Variants in ACMSD observed in about 807,000 individuals in gnomAD.
ACMSD encodes the protein 2-amino-3-carboxymuconate-6-semialdehyde decarboxylase.
A neutral mutation model predicts 45.9 loss-of-function variants in ACMSD; 37 were observed. The ratio of observed to expected loss-of-function variants is 0.81; its 90% CI spans 0.62 to 1.06. The LOEUF (loss-of-function observed/expected upper bound fraction) is 1.06, where lower values mean the gene tolerates loss of function less well. Among genes scored for constraint, ACMSD ranks in the 50% least tolerant of loss-of-function variants. The pLI is 0.00. For synonymous variants in ACMSD, 138 were observed against 148.8 expected, an observed-to-expected ratio of 0.93 and a Z score of 0.53; for missense variants, 434 against 420.9, an observed-to-expected ratio of 1.03 and a Z score of -0.27.
At chr2:134,853,956 C>G (rs375193389) in intron 2 of ACMSD, among the ~76,000 whole-genome samples, 1 of 152,198 alleles carries the variant, frequency 6.6e-6, no homozygotes, top group Non-Finnish European at 1.5e-5. Flanking sequence ...TACATAGACA[C>G]CCATCACCAA....
At chr2:134,869,699 T>C (rs995471942) in intron 6 of ACMSD, among the ~76,000 whole-genome samples, 11 of 149,068 alleles carry the variant, frequency 7.4e-5, no homozygotes, top group Non-Finnish European at 1.5e-5. Context: ...AAAGAGATTA[T>C]AAACAAGTAT....
chr2:134,853,034 G>A (rs933203927), intron 2 of ACMSD, among the ~76,000 whole-genome samples: 48 of 151,808 alleles, frequency 3.2e-4, no homozygotes, highest in Admixed American at 8.5e-4. Flanking sequence ...GTGGTGGCAC[G>A]CGCCTGTAAT....
At position 134,895,316 on chromosome 2, in the gene ACMSD, A is replaced by ATATATATATGTTACATATATAAT. The variant is rs1406233607; in HGVS notation, c.850-3025_850-3024insTATATATATGTTACATATATAAT. Among the ~76,000 whole-genome samples, 51 of 49,208 alleles carry ATATATATATGTTACATATATAAT rather than the reference A, an allele frequency of 1.0e-3. 1 individual carries two copies. Among genetic ancestry groups the ATATATATATGTTACATATATAAT allele is most frequent in the African/African-American group, 4.4e-3 (50 of 11,436 alleles). 32.3% of individuals were successfully genotyped at this position (49,208 alleles called of 152,430 possible). A position where few individuals can be genotyped will look rare whatever the true frequency, so the allele number is the denominator to read the frequency against. On this transcript the variant is annotated intron_variant, in intron 8 of 9. Coordinates refer to ENST00000356140, the MANE Select transcript of ACMSD (RefSeq NM_138326.3). ...AGACTGCATCTCAAAAAAGAAAAAA[A>ATATATATATGTTACATATATAAT]ATATATATATGTTATATATATAATA...
chr2:134,875,889 C>T (rs946226147), intron 8 of ACMSD, among the ~76,000 whole-genome samples: 2 of 152,096 alleles, frequency 1.3e-5, no homozygotes, highest in Admixed American at 1.3e-4. Flanking sequence ...CATCACAGTG[C>T]CCTTACACAA....
intron 8 of ACMSD, among the ~76,000 whole-genome samples, chr2:134,879,087 T>C (rs1481202666): frequency 6.6e-6 from 1 of 152,220 alleles, no homozygotes; most frequent in Admixed American, 6.5e-5. Context: ...ATGCCCTGGA[T>C]TTAGTTTTTG....
chr2:134,849,846 A>G (rs1398157450), intron 2 of ACMSD, among the ~76,000 whole-genome samples: 3 of 152,108 alleles, frequency 2.0e-5, no homozygotes. Flanking sequence ...CCTGATGGCA[A>G]AGACACCTGG....
chr2:134,871,674 A>ACCAGACACAC, intron 7 of ACMSD, among the ~76,000 whole-genome samples: 1 of 142,456 alleles, frequency 7.0e-6, no homozygotes, highest in South Asian at 2.2e-4. Flanking sequence ...GTGACCCTTC[A>ACCAGACACAC]ACAGACAGAC....
At chr2:134,866,337 A>T (rs1688095624) in intron 5 of ACMSD, among the ~76,000 whole-genome samples, 1 of 152,186 alleles carries the variant, frequency 6.6e-6, no homozygotes, top group Non-Finnish European at 1.5e-5. Context: ...ACATAGAATA[A>T]ACTTGTATCC....
chr2:134,855,508 C>A (rs1559044208), intron 2 of ACMSD, among the ~76,000 whole-genome samples: 1 of 152,218 alleles, frequency 6.6e-6, no homozygotes, highest in Non-Finnish European at 1.5e-5. Flanking sequence ...TGGCCTTCTG[C>A]AGAAGAAGGC....
intron 2 of ACMSD, chr2:134,857,749 T>A (rs1413341431): frequency 6.6e-6 from 1 of 151,668 alleles, no homozygotes; most frequent in Non-Finnish European, 1.5e-5. Flanking sequence ...CCTTGTCATG[T>A]TCCTGATCTT....
At chr2:134,884,139 T>C (rs1689195367) in intron 8 of ACMSD, among the ~76,000 whole-genome samples, 1 of 152,190 alleles carries the variant, frequency 6.6e-6, no homozygotes, top group Non-Finnish European at 1.5e-5. Flanking sequence ...AATTATCTAC[T>C]TGTACATAAT....
At position 134,890,536 on chromosome 2, in the gene ACMSD, T is replaced by C. The variant is rs535318994; in HGVS notation, c.850-7805T>C. ...ACATTATGGGGGCAATTGACAAAAT[T>C]TGAATATGAACTATGGATAACGAAA... is the stretch of plus-strand genomic sequence containing the variant. On this transcript the variant is annotated intron_variant, in intron 8 of 9. Transcript: ENST00000356140. Among the ~76,000 whole-genome samples the C allele has an allele frequency of 1.2e-4, 18 of 152,172 alleles. No individual in the cohort carries two copies. In the East Asian group the frequency reaches 1.3e-3, roughly 11 times the overall value.
chr2:134,845,987 G>T (rs1419475519), intron 2 of ACMSD, among the ~76,000 whole-genome samples: 1 of 152,156 alleles, frequency 6.6e-6, no homozygotes, highest in East Asian at 1.9e-4. Flanking sequence ...TTAATGTGCA[G>T]AGTTAACCCA....
chr2:134,845,258 A>G lies in ACMSD; in HGVS notation c.83A>G (p.Gln28Arg), dbSNP rs1423597384. 1.2e-6 allele frequency: 2 copies of G among 1,613,980 alleles called. No homozygotes were observed. The highest frequency in any genetic ancestry group is 2.7e-5 in the African/African-American group (2 of 74,900). ...KKRFGYGGWV[Q>R]LQHHSKGEAK... ...AGGTTTGGCTACGGAGGCTGGGTGCAGCTCCAACACCACAGCAAGGTGAGT... is the reference window on the plus strand; with the variant it reads ...AGGTTTGGCTACGGAGGCTGGGTGCGGCTCCAACACCACAGCAAGGTGAGT... The change falls in exon 2 of 10, where the codon CAG (glutamine) becomes CGG (arginine). Residue 28 changes from glutamine to arginine, a missense_variant. Transcript: ENST00000356140.
intron 2 of ACMSD, among the ~76,000 whole-genome samples, chr2:134,853,939 A>G (rs1687465417): frequency 6.6e-6 from 1 of 152,226 alleles, no homozygotes; most frequent in Non-Finnish European, 1.5e-5. Context: ...AATTAACTTT[A>G]GCCTACTACA....
chr2:134,894,419 G>A (rs1689973229), intron 8 of ACMSD, among the ~76,000 whole-genome samples: 1 of 152,036 alleles, frequency 6.6e-6, no homozygotes, highest in Non-Finnish European at 1.5e-5. Flanking sequence ...ACTGGCTGAA[G>A]AAGAAATAGA....
chr2:134,895,786 G>A lies in ACMSD; in HGVS notation c.850-2555G>A, dbSNP rs370559639. 2.9e-3 allele frequency among the ~76,000 whole-genome samples: 437 copies of A among 152,258 alleles called. 3 individuals are homozygous for A. Among genetic ancestry groups the A allele is most frequent in the African/African-American group, 9.0e-3 (373 of 41,568 alleles). On this transcript the variant is annotated intron_variant, in intron 8 of 9. Transcript: ENST00000356140. ...TGAGGCAGGAGAATTGCCTGAATCC[G>A]GGAGGCAGAGGTTGCAGTTAGCCAG... is the stretch of plus-strand genomic sequence containing the variant.
intron 4 of ACMSD, chr2:134,862,900 A>T: frequency 1.1e-6 from 1 of 926,340 alleles, no homozygotes; most frequent in Non-Finnish European, 1.3e-6. Flanking sequence ...TGCCAAGGAC[A>T]GCCCTGAATG....
intron 1 of ACMSD, among the ~76,000 whole-genome samples, chr2:134,840,293 C>T (rs1686744950): frequency 6.6e-6 from 1 of 150,912 alleles, no homozygotes; most frequent in African/African-American, 2.4e-5. Flanking sequence ...TAGAGGACAA[C>T]GCCCCCCTGT....
Sources: allele counts gnomAD v4.1 joint callset (sites outside exome capture counted in the v4.1 genomes callset), GRCh38; gene constraint gnomAD v4.1.1; transcripts MANE v1.5; gene names NCBI Gene and HGNC (gene_info 2026-07-23, HGNC 2026-07-21).